PPARD: variants seen among roughly 807,000 people sequenced by gnomAD.
PPARD encodes the protein peroxisome proliferator activated receptor delta, also known as peroxisome proliferator-activated receptor delta.
In PPARD, 6 loss-of-function variants were observed where a neutral mutation model predicts 39.5. That is an observed-to-expected ratio of 0.15 (90% CI 0.08 to 0.30). The LOEUF (loss-of-function observed/expected upper bound fraction) is 0.30. Ranked by LOEUF, PPARD falls within the 10% of genes least tolerant of loss-of-function variation. PPARD has a pLI of 1.00. For synonymous variants in PPARD, 210 were observed against 231.3 expected (o/e 0.91, Z 0.83); for missense variants, 397 against 596.8 (o/e 0.67, Z 3.49).
intron 2 of PPARD, among the ~76,000 whole-genome samples, 198 bp downstream of exon 2, chr6:35,347,348 A>T (rs9658071): frequency 6.6e-6 from 1 of 152,170 alleles, no homozygotes; most frequent in Non-Finnish European, 1.5e-5. Flanking sequence ...TATGGCTTAC[A>T]TAGTTTTTTC....
intron 2 of PPARD, among the ~76,000 whole-genome samples, chr6:35,376,606 G>C (rs1385427084): frequency 6.6e-6 from 1 of 152,194 alleles, no homozygotes; most frequent in African/African-American, 2.4e-5. Flanking sequence ...GCGGGGCCAT[G>C]AGTGTTTCAG....
intron 2 of PPARD, among the ~76,000 whole-genome samples, chr6:35,355,580 T>TAAAAA (rs1761533614): frequency 1.2e-5 from 1 of 80,738 alleles, no homozygotes; most frequent in Non-Finnish European, 2.4e-5. Flanking sequence ...AAAAAAAAAG[T>TAAAAA]GCTTTCTTCT....
intron 2 of PPARD, among the ~76,000 whole-genome samples, chr6:35,402,236 C>A (rs1241693967): frequency 6.6e-6 from 1 of 152,198 alleles, no homozygotes; most frequent in Non-Finnish European, 1.5e-5. Flanking sequence ...GTACCCTTAA[C>A]ATTTGTGGCC....
At chr6:35,383,069 A>G (rs1763242796) in intron 2 of PPARD, among the ~76,000 whole-genome samples, 1 of 152,142 alleles carries the variant, frequency 6.6e-6, no homozygotes, top group African/African-American at 2.4e-5. Flanking sequence ...GGGCTTAGAA[A>G]TGTCACTGAC....
chr6:35,364,953 C>T (rs1354220847), intron 2 of PPARD, among the ~76,000 whole-genome samples: 2 of 151,886 alleles, frequency 1.3e-5, no homozygotes, highest in African/African-American at 2.4e-5. Flanking sequence ...TTGTGATCCA[C>T]CCGCCTCGGC....
At chr6:35,387,061 C>G (rs57648364) in intron 2 of PPARD, among the ~76,000 whole-genome samples, 24,249 of 151,894 alleles carry the variant, frequency 0.16, 4,387 homozygotes, top group African/African-American at 0.44. Flanking sequence ...ACAACAGGGT[C>G]GGCAGTGTTG....
chr6:35,407,904 A>C (rs895993667), intron 2 of PPARD, among the ~76,000 whole-genome samples: 1 of 151,294 alleles, frequency 6.6e-6, no homozygotes, highest in Non-Finnish European at 1.5e-5. Flanking sequence ...CCAGAACCCC[A>C]CTCTACTCTT....
intron 2 of PPARD, among the ~76,000 whole-genome samples, chr6:35,373,673 CTT>C (rs11321563): frequency 6.2e-5 from 9 of 145,440 alleles, no homozygotes; most frequent in African/African-American, 1.5e-4. Context: ...TTCTTTCTTT[CTT>C]TTTTTTTTTT....
chr6:35,380,632 C>T (rs1286440784), intron 2 of PPARD, among the ~76,000 whole-genome samples: 2 of 151,930 alleles, frequency 1.3e-5, no homozygotes, highest in Admixed American at 1.3e-4. Context: ...GCTGGAACTA[C>T]AGGCACATGC....
intron 2 of PPARD, among the ~76,000 whole-genome samples, chr6:35,387,565 G>A (rs1405209350): frequency 1.3e-5 from 2 of 151,870 alleles, no homozygotes; most frequent in Non-Finnish European, 2.9e-5. Flanking sequence ...TTCCATGCAC[G>A]CTCTCATGTG....
chr6:35,367,622 T>C (rs1762274138), intron 2 of PPARD, among the ~76,000 whole-genome samples: 1 of 152,238 alleles, frequency 6.6e-6, no homozygotes. Flanking sequence ...TCCTTTCTCT[T>C]GATTGTGTGA....
chr6:35,346,091 A>G (rs9658067), intron 1 of PPARD, among the ~76,000 whole-genome samples: 18,939 of 151,746 alleles, frequency 0.12, 2,289 homozygotes, highest in African/African-American at 0.32. Flanking sequence ...GTGTTAGTCG[A>G]GATGGTCTCG....
At chr6:35,397,683 T>C in intron 2 of PPARD, 1 of 378,966 alleles carries the variant, frequency 2.6e-6, no homozygotes, top group Non-Finnish European at 3.6e-6. Flanking sequence ...GACAAAAATC[T>C]CTGCCTCCTG....
At chr6:35,376,530 C>G (rs1762823900) in intron 2 of PPARD, among the ~76,000 whole-genome samples, 1 of 152,120 alleles carries the variant, frequency 6.6e-6, no homozygotes, top group African/African-American at 2.4e-5. Flanking sequence ...GAGGGATTCT[C>G]TTTTCTGGCT....
At chr6:35,391,163 A>C (rs1176389143) in intron 2 of PPARD, among the ~76,000 whole-genome samples, 2 of 152,254 alleles carry the variant, frequency 1.3e-5, no homozygotes, top group Non-Finnish European at 2.9e-5. Context: ...TGATAATAGA[A>C]AATGCGGAAG....
chr6:35,395,544 T>C (rs1161974130), intron 2 of PPARD, among the ~76,000 whole-genome samples: 1 of 152,142 alleles, frequency 6.6e-6, no homozygotes, highest in Non-Finnish European at 1.5e-5. Context: ...GGAAGAGGGT[T>C]TGGGAACCTG....
intron 3 of PPARD, among the ~76,000 whole-genome samples, chr6:35,414,354 C>T (rs1425005913): frequency 2.6e-5 from 2 of 77,328 alleles, no homozygotes; most frequent in Non-Finnish European, 7.3e-5. Flanking sequence ...GTCATAAGAT[C>T]CTGCATACCC....
chr6:35,400,115 C>A (rs1764609350), intron 2 of PPARD, among the ~76,000 whole-genome samples: 1 of 152,200 alleles, frequency 6.6e-6, no homozygotes, highest in Admixed American at 6.5e-5. Flanking sequence ...TCTCCTCTCT[C>A]CCTGGGAAGG....
Position 35,420,215 on chromosome 6 carries a change from G to GT in PPARD, c.220dup (p.Cys74LeufsTer19), listed in dbSNP as rs763635049. 4 of 1,611,056 alleles carry GT rather than the reference G, an allele frequency of 2.5e-6. No homozygotes were observed. The Admixed American group carries it at 6.7e-5, about 27-fold the overall frequency. ...CCTCATGCGGCAGCCTCAACATGGA[G>GT]TGCCGGGTGTGCGGGGACAAGGCAT... On this transcript the variant is annotated frameshift_variant, in exon 4 of 8. Coordinates refer to ENST00000360694, the MANE Select transcript of PPARD (RefSeq NM_006238.5). LOFTEE classifies it high-confidence loss of function.
Sources: allele counts gnomAD v4.1 joint callset (sites outside exome capture counted in the v4.1 genomes callset), GRCh38; gene constraint gnomAD v4.1.1; transcripts MANE v1.5; gene names NCBI Gene and HGNC (gene_info 2026-07-23, HGNC 2026-07-21).